CA8: variants seen among roughly 807,000 people sequenced by gnomAD.
The protein encoded by CA8 is carbonic anhydrase-related protein.
CA8 carries 22 observed loss-of-function variants against 41.4 expected under a neutral mutation model. The ratio of observed to expected loss-of-function variants is 0.53; its 90% confidence interval spans 0.38 to 0.76. The LOEUF (loss-of-function observed/expected upper bound fraction) is 0.76, where lower values mean the gene tolerates loss of function less well. Among genes scored for constraint, CA8 ranks in the 30% least tolerant of loss-of-function variants. CA8 has a pLI of 0.00. For missense variants in CA8, 270 were observed against 352.8 expected (o/e 0.77, Z 1.88); for synonymous variants, 121 against 130.6 (o/e 0.93, Z 0.50).
intron 3 of CA8, 103 bp downstream of exon 3, chr8:60,265,822 T>C: frequency 3.1e-6 from 4 of 1,285,836 alleles, no homozygotes; most frequent in Non-Finnish European, 4.4e-6. Context: ...ACTGATAAAA[T>C]TCAAGAGCTA....
intron 3 of CA8, among the ~76,000 whole-genome samples, chr8:60,246,025 C>T (rs1349077513): frequency 6.6e-6 from 1 of 152,122 alleles, no homozygotes; most frequent in Non-Finnish European, 1.5e-5. Flanking sequence ...TCCAGTTAGG[C>T]AGTGAGGACT....
At chr8:60,280,176 G>T (rs1235117162) in intron 1 of CA8, among the ~76,000 whole-genome samples, 1 of 151,988 alleles carries the variant, frequency 6.6e-6, no homozygotes, top group African/African-American at 2.4e-5. Flanking sequence ...AAGTGATTAG[G>T]AAAAAAGAAT....
chr8:60,229,457 G>A (rs113227533), intron 4 of CA8, among the ~76,000 whole-genome samples: 5 of 152,016 alleles, frequency 3.3e-5, no homozygotes, highest in Admixed American at 2.6e-4. Context: ...AGGCTATCAC[G>A]CCCTCCTTCT....
intron 2 of CA8, among the ~76,000 whole-genome samples, chr8:60,272,257 A>G (rs1303393182): frequency 6.6e-6 from 1 of 152,098 alleles, no homozygotes; most frequent in African/African-American, 2.4e-5. Flanking sequence ...CTGACACTGC[A>G]ATGCCTGTGG....
At chr8:60,254,172 C>T (rs1478078992) in intron 3 of CA8, among the ~76,000 whole-genome samples, 1 of 152,168 alleles carries the variant, frequency 6.6e-6, no homozygotes, top group African/African-American at 2.4e-5. Context: ...TGTTTTTTTA[C>T]ATTCTATATT....
At chr8:60,221,840 G>C (rs1240027206) in intron 7 of CA8, among the ~76,000 whole-genome samples, 1 of 152,146 alleles carries the variant, frequency 6.6e-6, no homozygotes, top group Non-Finnish European at 1.5e-5. Flanking sequence ...TGAGAAGTTA[G>C]TGAACTTGAG....
At chr8:60,268,450 G>A (rs867411202) in intron 2 of CA8, among the ~76,000 whole-genome samples, 4 of 152,090 alleles carry the variant, frequency 2.6e-5, no homozygotes, top group Non-Finnish European at 2.9e-5. Flanking sequence ...GTGATTTCAG[G>A]GAACCATAAA....
chr8:60,251,986 ATAAGT>A (rs1472508599), intron 3 of CA8, among the ~76,000 whole-genome samples: 1 of 152,228 alleles, frequency 6.6e-6, no homozygotes, highest in Non-Finnish European at 1.5e-5. Context: ...TTTCACATCA[ATAAGT>A]TAAGTCTCTA....
intron 2 of CA8, among the ~76,000 whole-genome samples, chr8:60,271,499 C>G (rs1804071927): frequency 6.6e-6 from 1 of 152,078 alleles, no homozygotes; most frequent in Non-Finnish European, 1.5e-5. Flanking sequence ...TGCCAAGAAA[C>G]ACTGTTAAAA....
chr8:60,203,222 A>G (rs190037121), intron 8 of CA8, among the ~76,000 whole-genome samples: 24 of 152,270 alleles, frequency 1.6e-4, no homozygotes, highest in African/African-American at 5.8e-4. Flanking sequence ...GACCCAAAAA[A>G]GGCAGACAGC....
At chr8:60,260,396 C>A (rs1803691658) in intron 3 of CA8, among the ~76,000 whole-genome samples, 1 of 152,178 alleles carries the variant, frequency 6.6e-6, no homozygotes, top group African/African-American at 2.4e-5. Flanking sequence ...GGTGCCACAG[C>A]CTCACTACCA....
chr8:60,266,117 C>CTT, intron 2 of CA8, 68 bp from the exon 3 acceptor site: 24 of 1,255,744 alleles, frequency 1.9e-5, no homozygotes, highest in Non-Finnish European at 2.3e-5. Context: ...ACATTAGAGA[C>CTT]TTTTTTTTTT....
chr8:60,266,072 C>T (rs761028392), intron 2 of CA8, 23 bp from the exon 3 acceptor site: 1 of 1,611,314 alleles, frequency 6.2e-7, no homozygotes, highest in Admixed American at 1.7e-5. Context: ...ATATATGTTA[C>T]CGAATTACAG....
Position 60,208,331 on chromosome 8 carries a change from C to T in CA8, c.*35+419G>A, listed in dbSNP as rs28493959. 777 of 175,070 alleles carry T rather than the reference C, an allele frequency of 4.4e-3. 6 individuals carry two copies. The highest frequency in any genetic ancestry group is 0.016 in the African/African-American group (689 of 41,870). 10.8% of individuals were successfully genotyped at this position (175,070 alleles called of 1,614,324 possible). A position where few individuals can be genotyped will look rare whatever the true frequency, so the allele number is the denominator to read the frequency against. ...ACAAGAGGATCAATTCTGCAGGAGA[C>T]GAGAAGGGTCCACACTGAGGCTCAC... On this transcript the variant is annotated intron_variant, in intron 8 of 8. Transcript: ENST00000317995.
At chr8:60,278,412 T>C (rs1482927933) in intron 2 of CA8, among the ~76,000 whole-genome samples, 1 of 152,246 alleles carries the variant, frequency 6.6e-6, no homozygotes, top group African/African-American at 2.4e-5. Flanking sequence ...TTTGTGGATA[T>C]ATAAACATTT....
chr8:60,260,867 A>G (rs1803711492), intron 3 of CA8, among the ~76,000 whole-genome samples: 1 of 152,216 alleles, frequency 6.6e-6, no homozygotes, highest in Admixed American at 6.5e-5. Context: ...GTGCTATTTG[A>G]GATGTTCCTG....
intron 2 of CA8, among the ~76,000 whole-genome samples, chr8:60,268,826 T>G (rs1330417429): frequency 6.6e-6 from 1 of 151,882 alleles, no homozygotes; most frequent in Non-Finnish European, 1.5e-5. Flanking sequence ...ATCTGGTTAC[T>G]ACACAGGTTT....
At chr8:60,276,400 T>A (rs7462181) in intron 2 of CA8, among the ~76,000 whole-genome samples, 6 of 152,252 alleles carry the variant, frequency 3.9e-5, no homozygotes, top group South Asian at 4.1e-4. Context: ...TGATGCACGC[T>A]AATGTCCTAA....
chr8:60,199,664 T>C (rs1415111558), intron 8 of CA8, among the ~76,000 whole-genome samples: 1 of 152,114 alleles, frequency 6.6e-6, no homozygotes, highest in Admixed American at 6.5e-5. Flanking sequence ...CTCCATATTA[T>C]CCAATAAATA....
Sources: allele counts gnomAD v4.1 joint callset (sites outside exome capture counted in the v4.1 genomes callset), GRCh38; gene constraint gnomAD v4.1.1; transcripts MANE v1.5; gene names NCBI Gene and HGNC (gene_info 2026-07-23, HGNC 2026-07-21).